ZNF829: variants seen among roughly 807,000 people sequenced by gnomAD.
ZNF829 encodes the protein zinc finger protein 829.
ZNF829 carries 25 observed loss-of-function variants against 35.2 expected under a neutral mutation model. That is an observed-to-expected ratio of 0.71 (90% CI 0.52 to 0.99). The LOEUF is 0.99. ZNF829 is among the 50% of genes least tolerant of loss of function. The pLI, the probability that ZNF829 is intolerant of heterozygous loss-of-function variation, is 0.00. For synonymous variants in ZNF829, 136 were observed against 163.2 expected (o/e 0.83, Z 1.27); for missense variants, 417 against 515.3 (o/e 0.81, Z 1.85).
intron 3 of ZNF829, among the ~76,000 whole-genome samples, chr19:36,910,286 T>C (rs1481183561): frequency 3.3e-5 from 5 of 152,158 alleles, no homozygotes; most frequent in Non-Finnish European, 7.4e-5. Context: ...GGTTTCACCA[T>C]GCTGGTCAGG....
chr19:36,908,583 G>A (rs1056317343), intron 3 of ZNF829, 124 bp from the exon 4 acceptor site: 23 of 1,090,842 alleles, frequency 2.1e-5, no homozygotes, highest in African/African-American at 4.8e-5. Context: ...GAAGATATAC[G>A]TCCTGTGTAC....
chr19:36,898,853 T>G (rs562780552), intron 5 of ZNF829, among the ~76,000 whole-genome samples: 2 of 152,058 alleles, frequency 1.3e-5, no homozygotes, highest in African/African-American at 4.8e-5. Context: ...AAAAATAAAC[T>G]CAAAATGAAT....
rs377134190 is a variant in ZNF829, at chr19:36,892,399, C to T, written c.392G>A (p.Arg131His). Residue 131 changes from arginine to histidine, a missense_variant, in exon 6 of 6, where the codon CGT (arginine) becomes CAT (histidine). Physicochemically the swap from Arg to His is conservative, Grantham distance 29. Coordinates refer to ENST00000391711, the MANE Select transcript of ZNF829 (RefSeq NM_001037232.4). ...KRHFSQVIIT[R>H]EDMSTFIQPT... ...CTGAATAAAAGTAGACATGTCTTCACGGGTAATTATTACTTGACTGAAATG... is the reference window on the plus strand; with the variant it reads ...CTGAATAAAAGTAGACATGTCTTCATGGGTAATTATTACTTGACTGAAATG... 3.9e-5 allele frequency: 63 copies of T among 1,611,808 alleles called. No homozygotes were observed. The highest frequency in any genetic ancestry group is 3.0e-4 in the Admixed American group (18 of 59,942).
At chr19:36,897,340 A>G (rs925912561) in intron 5 of ZNF829, among the ~76,000 whole-genome samples, 1 of 152,158 alleles carries the variant, frequency 6.6e-6, no homozygotes, top group Non-Finnish European at 1.5e-5. Context: ...TAATACAACA[A>G]CAAGATAATA....
Position 36,891,606 on chromosome 19 carries a change from A to G in ZNF829, c.1185T>C (p.Leu395=). ...CGKAFNKGSN[L]TRHQRIHTGE... Reference sequence around the variant, plus strand: ...CAGTGTGAATTCTCTGATGTCGAGTAAGATTTGAGCCTTTATTAAAGGCCT... The same window carrying G: ...CAGTGTGAATTCTCTGATGTCGAGTGAGATTTGAGCCTTTATTAAAGGCCT... Residue 395 remains leucine, a synonymous_variant, in exon 6 of 6, where the codon CTT becomes CTC. Coordinates refer to ENST00000391711, the MANE Select transcript of ZNF829 (RefSeq NM_001037232.4). The G allele has an allele frequency of 6.2e-7, 1 of 1,613,730 alleles. No homozygotes were observed. Among genetic ancestry groups the G allele is most frequent in the Non-Finnish European group, 8.5e-7 (1 of 1,179,862 alleles).
At chr19:36,904,634 A>G (rs2073200527) in intron 5 of ZNF829, among the ~76,000 whole-genome samples, 1 of 152,096 alleles carries the variant, frequency 6.6e-6, no homozygotes, top group Admixed American at 6.5e-5. Flanking sequence ...TCCTGACCTC[A>G]AGTGATCTGC....
intron 5 of ZNF829, among the ~76,000 whole-genome samples, chr19:36,900,143 TAAACACACACAC>T (rs1193821657): frequency 2.2e-5 from 2 of 90,656 alleles, no homozygotes; most frequent in Non-Finnish European, 4.2e-5. Flanking sequence ...CTGTCTCTAC[TAAACACACACAC>T]ACACACACAC....
chr19:36,900,145 AACACACACACACACACACACAC>A (rs56218050), intron 5 of ZNF829, among the ~76,000 whole-genome samples: 15 of 120,500 alleles, frequency 1.2e-4, no homozygotes, highest in South Asian at 3.0e-4. Context: ...GTCTCTACTA[AACACACACACACACACACACAC>A]ACACACACAC....
Position 36,889,819 on chromosome 19 carries a change from GTTTGT to G in ZNF829, c.*1668_*1672del, listed in dbSNP as rs1370689688. On this transcript the variant is annotated 3_prime_UTR_variant, in exon 6 of 6. Coordinates refer to ENST00000391711, the MANE Select transcript of ZNF829 (RefSeq NM_001037232.4). ...TTTTCTTCTGCCAGCTTTGGGTTGA[GTTTGT>G]TTTGTTTTTTCCTAGTTCCTTGAGA... 1.3e-5 allele frequency: 2 copies of G among 152,058 alleles called. No homozygotes were observed. The highest frequency in any genetic ancestry group is 1.9e-4 in the East Asian group (1 of 5,186). The allele number at this position is 152,058 out of a possible 1,614,324, so 9.4% of individuals were successfully genotyped here.
At chr19:36,900,884 A>G (rs939154233) in intron 5 of ZNF829, among the ~76,000 whole-genome samples, 1 of 151,788 alleles carries the variant, frequency 6.6e-6, no homozygotes, top group Non-Finnish European at 1.5e-5. Flanking sequence ...AAGTGTTAGC[A>G]AATGATGTGG....
intron 5 of ZNF829, among the ~76,000 whole-genome samples, chr19:36,902,846 G>A (rs1050877308): frequency 1.1e-3 from 164 of 152,122 alleles, no homozygotes; most frequent in African/African-American, 3.8e-3. Context: ...GACCAACCTG[G>A]GCAACATGGT....
chr19:36,891,206 GT>G lies in ZNF829; in HGVS notation c.*285del, dbSNP rs578208691. ...CATGGAATGCCAAGGACTGCCAGCT[GT>G]TAACAGAGGTTAGGAAAAAGGCATA... On this transcript the variant is annotated 3_prime_UTR_variant, in exon 6 of 6. Coordinates refer to ENST00000391711, the MANE Select transcript of ZNF829 (RefSeq NM_001037232.4). The G allele has an allele frequency of 2.2e-3, 667 of 298,550 alleles. 6 individuals are homozygous for G. The highest frequency in any genetic ancestry group is 0.013 in the African/African-American group (621 of 46,234). 18.5% of individuals were successfully genotyped at this position (298,550 alleles called of 1,614,324 possible). A position where few individuals can be genotyped will look rare whatever the true frequency, so the allele number is the denominator to read the frequency against.
intron 5 of ZNF829, among the ~76,000 whole-genome samples, chr19:36,899,934 A>G (rs2073148324): frequency 6.6e-6 from 1 of 151,912 alleles, no homozygotes; most frequent in Admixed American, 6.6e-5. Context: ...ATAAAAATAG[A>G]AAGAATGAGT....
At chr19:36,914,853 A>AT (rs1259614188) in intron 3 of ZNF829, 112 bp downstream of exon 3, 1 of 949,586 alleles carries the variant, frequency 1.1e-6, no homozygotes, top group Non-Finnish European at 1.6e-6. Flanking sequence ...TTCAGCAAGC[A>AT]TAAGTGGAGC....
At chr19:36,899,908 T>A (rs560362164) in intron 5 of ZNF829, among the ~76,000 whole-genome samples, 8 of 150,864 alleles carry the variant, frequency 5.3e-5, no homozygotes, top group South Asian at 2.1e-4. Flanking sequence ...ATATAAAAAT[T>A]TTTTTTTAAA....
intron 5 of ZNF829, chr19:36,893,108 C>T (rs1600728759): frequency 2.5e-6 from 1 of 397,640 alleles, no homozygotes; most frequent in East Asian, 3.6e-5. Context: ...TTAAGAATAA[C>T]AAATGTGTTG....
At chr19:36,899,766 A>AG (rs1309278400) in intron 5 of ZNF829, among the ~76,000 whole-genome samples, 1 of 148,118 alleles carries the variant, frequency 6.8e-6, no homozygotes, top group African/African-American at 2.5e-5. Flanking sequence ...AACAAAAAAA[A>AG]AAAGAAAGAA....
intron 3 of ZNF829, among the ~76,000 whole-genome samples, chr19:36,910,032 G>A (rs1405985567): frequency 1.3e-5 from 2 of 152,006 alleles, no homozygotes; most frequent in East Asian, 3.9e-4. Flanking sequence ...GAGTAGGATT[G>A]GGTTAGTGGG....
chr19:36,915,034 T>C lies in ZNF829; in HGVS notation c.39-12A>G. 6.2e-7 allele frequency: 1 copy of C among 1,614,066 alleles called. No individual in the cohort carries two copies. The highest frequency in any genetic ancestry group is 1.7e-5 in the Admixed American group (1 of 60,008). On this transcript the variant is annotated splice_polypyrimidine_tract_variant and intron_variant, in intron 2 of 5. Coordinates refer to ENST00000391711, the MANE Select transcript of ZNF829 (RefSeq NM_001037232.4). ...CTTCTGGGTGACACCTGGAGAAAGG[T>C]AAAATTGGGAGAGGGAAGAGTAACT...
Sources: gnomAD v4.1 joint callset for allele counts (sites outside exome capture counted in the v4.1 genomes callset) on GRCh38, gnomAD v4.1.1 for gene constraint, MANE v1.5 for transcripts, NCBI Gene and HGNC (gene_info 2026-07-23, HGNC 2026-07-21) for gene names.